ANXA7: variants seen among roughly 807,000 people sequenced by gnomAD.
The protein encoded by ANXA7 is annexin A7.
In ANXA7, 55 loss-of-function variants were observed where a neutral mutation model predicts 64.9. The ratio of observed to expected loss-of-function variants is 0.85; its 90% CI spans 0.68 to 1.06. ANXA7 has a LOEUF of 1.06. Ranked by LOEUF, ANXA7 falls within the 50% of genes least tolerant of loss-of-function variation. The pLI is 0.00. For missense variants in ANXA7, 548 were observed against 582.1 expected (o/e 0.94, Z 0.60); for synonymous variants, 200 against 192.4 (o/e 1.04, Z -0.33).
Position 73,400,833 on chromosome 10 carries a change from T to TG in ANXA7, c.23dup (p.Thr9AsnfsTer28). 6.2e-7 allele frequency: 1 copy of TG among 1,604,814 alleles called. No homozygotes were observed. The highest frequency in any genetic ancestry group is 8.5e-7 in the Non-Finnish European group (1 of 1,175,026). On this transcript the variant is annotated frameshift_variant, in exon 2 of 13. Transcript: ENST00000372921. LOFTEE classifies it high-confidence loss of function. ...ATCCAGGGAAAGGTGGGTAGCCTGTTGGGGGATAGCCTGGGTATGACATTC... is the reference window on the plus strand; with the variant it reads ...ATCCAGGGAAAGGTGGGTAGCCTGTTGGGGGGATAGCCTGGGTATGACATTC...
At chr10:73,390,695 T>TAA (rs1378864395) in intron 5 of ANXA7, among the ~76,000 whole-genome samples, 4 of 113,280 alleles carry the variant, frequency 3.5e-5, no homozygotes, top group African/African-American at 1.6e-4. Flanking sequence ...TTTTGTAAAA[T>TAA]ATATATATAT....
rs891869170 is a variant in ANXA7 at position 73,414,027 on chromosome 10, G to A, written c.-17C>T. ...CGCTCCTCACCTGACCCCAGCAGCA[G>A]CGTCACAGCCCAACCCGGTCTCCCG... On this transcript the variant is annotated 5_prime_UTR_variant, in exon 1 of 13. Transcript: ENST00000372921. 1 of 152,442 alleles carries A rather than the reference G, an allele frequency of 6.6e-6. No individual in the cohort carries two copies. Among genetic ancestry groups the A allele is most frequent in the African/African-American group, 2.4e-5 (1 of 41,452 alleles). 9.4% of individuals were successfully genotyped at this position (152,442 alleles called of 1,614,324 possible). A position where few individuals can be genotyped will look rare whatever the true frequency, so the allele number is the denominator to read the frequency against.
chr10:73,389,326 G>A (rs1190945563), intron 5 of ANXA7, among the ~76,000 whole-genome samples: 1 of 152,166 alleles, frequency 6.6e-6, no homozygotes, highest in African/African-American at 2.4e-5. Flanking sequence ...GGAGACTTAA[G>A]AGACATGACA....
intron 1 of ANXA7, among the ~76,000 whole-genome samples, chr10:73,402,313 C>T (rs1014361304): frequency 3.3e-5 from 5 of 152,088 alleles, no homozygotes; most frequent in African/African-American, 7.2e-5. Flanking sequence ...CTCAACACCC[C>T]CCCTCCCCAC....
chr10:73,376,958 AG>A (rs1404157282), intron 12 of ANXA7, among the ~76,000 whole-genome samples: 8 of 152,242 alleles, frequency 5.3e-5, no homozygotes, highest in African/African-American at 1.9e-4. Flanking sequence ...TACCTAGAGT[AG>A]TCAAACACAG....
At chr10:73,398,549 C>A (rs1299935169) in intron 2 of ANXA7, among the ~76,000 whole-genome samples, 164 bp from the exon 3 acceptor site, 3 of 151,888 alleles carry the variant, frequency 2.0e-5, no homozygotes, top group Non-Finnish European at 4.4e-5. Context: ...ATCAGTATAC[C>A]AGTTTGTAAG....
At chr10:73,401,063 G>A (rs1251203918) in intron 1 of ANXA7, among the ~76,000 whole-genome samples, 1 of 151,994 alleles carries the variant, frequency 6.6e-6, no homozygotes, top group Non-Finnish European at 1.5e-5. Flanking sequence ...ACGCCACCAT[G>A]CCCAGCTAAT....
In ANXA7 at chr10:73,400,936, C is replaced by A. The variant is rs190994232; in HGVS notation, c.-1-79G>T. The A allele has an allele frequency of 3.1e-5, 39 of 1,274,486 alleles. No individual in the cohort carries two copies. The East Asian group carries it at 1.0e-3, about 34-fold the overall frequency. 78.9% of individuals were successfully genotyped at this position (1,274,486 alleles called of 1,614,324 possible). A position where few individuals can be genotyped will look rare whatever the true frequency, so the allele number is the denominator to read the frequency against. On this transcript the variant is annotated intron_variant, in intron 1 of 12. Coordinates refer to ENST00000372921, the MANE Select transcript of ANXA7 (RefSeq NM_001156.5). ...TTTGTTTTGTTTTTTGAGACGGAGT[C>A]TCACTCTGTCACCAGGTTGGAGTGC... is the stretch of plus-strand genomic sequence containing the variant.
intron 2 of ANXA7, among the ~76,000 whole-genome samples, chr10:73,398,628 T>C (rs1434956245): frequency 1.3e-5 from 2 of 151,960 alleles, no homozygotes; most frequent in Non-Finnish European, 2.9e-5. Context: ...TCTGCTTCTC[T>C]ATTTGGGAGT....
At chr10:73,387,431 C>T (rs1482986046) in intron 7 of ANXA7, among the ~76,000 whole-genome samples, 1 of 152,168 alleles carries the variant, frequency 6.6e-6, no homozygotes, top group East Asian at 1.9e-4. Flanking sequence ...AGGAGAATTG[C>T]TTGAACTCGG....
At chr10:73,379,076 C>G (rs1049772873) in intron 11 of ANXA7, 53 bp from the exon 12 acceptor site, 1 of 1,259,578 alleles carries the variant, frequency 7.9e-7, no homozygotes, top group Non-Finnish European at 1.1e-6. Context: ...AAGAAGTGTA[C>G]CCCTCCAGCT....
chr10:73,394,388 G>A (rs2055535993), intron 5 of ANXA7, among the ~76,000 whole-genome samples: 1 of 152,126 alleles, frequency 6.6e-6, no homozygotes, highest in African/African-American at 2.4e-5. Context: ...TATAAATCAT[G>A]CTGCTATAAA....
At chr10:73,394,640 C>T (rs2055540531) in intron 5 of ANXA7, among the ~76,000 whole-genome samples, 1 of 152,250 alleles carries the variant, frequency 6.6e-6, no homozygotes, top group African/African-American at 2.4e-5. Flanking sequence ...TGGTCTCACT[C>T]ATAGGTGGGA....
At position 73,397,176 on chromosome 10, in the gene ANXA7, C is replaced by G; in HGVS notation, c.358G>C (p.Val120Leu). The G allele has an allele frequency of 6.3e-7, 1 of 1,595,800 alleles. No homozygotes were observed. Among genetic ancestry groups the G allele is most frequent in the South Asian group, 1.1e-5 (1 of 86,968 alleles). ...SQSYGGGPAQ[V>L]PLPGGFPGGQ... The stretch of plus-strand genomic sequence containing the variant: ...AGCTGGTACCTACCAGGTAGTGGAA[C>G]CTGTGCTGGACCACCTCCATAAGAC... The change falls in exon 4 of 13, where the codon GTT (valine) becomes CTT (leucine). Residue 120 changes from valine (V) to leucine (L), a missense_variant. Transcript: ENST00000372921.
At chr10:73,395,736 A>C (rs546820738) in intron 5 of ANXA7, 20 of 430,926 alleles carry the variant, frequency 4.6e-5, no homozygotes, top group South Asian at 3.6e-4. Flanking sequence ...CAGTGAGCCG[A>C]GGTCGTGCCA....
rs573391337 is a variant in ANXA7, at chr10:73,376,194, C to T, written c.1302G>A (p.Gln434=). ...RSEIDLVQIK[Q]MFAQMYQKTL... ...TCTTCTGATACATCTGAGCGAACATCTGTTTTATTTGTACAAGGTCAATCT... is the reference window on the plus strand; with the variant it reads ...TCTTCTGATACATCTGAGCGAACATTTGTTTTATTTGTACAAGGTCAATCT... The change falls in exon 13 of 13, where the codon CAG becomes CAA. Residue 434 remains glutamine, a synonymous_variant. Coordinates refer to ENST00000372921, the MANE Select transcript of ANXA7 (RefSeq NM_001156.5). 30 of 1,593,558 alleles carry T rather than the reference C, an allele frequency of 1.9e-5. No individual in the cohort carries two copies. In the East Asian group the frequency reaches 6.8e-4, roughly 36 times the overall value.
intron 1 of ANXA7, among the ~76,000 whole-genome samples, chr10:73,408,655 G>A (rs565064708): frequency 6.6e-6 from 1 of 152,248 alleles, no homozygotes; most frequent in East Asian, 1.9e-4. Flanking sequence ...TTAAGAAAGT[G>A]AATTTTGGTA....
chr10:73,391,976 G>C (rs1308287428), intron 5 of ANXA7, among the ~76,000 whole-genome samples: 1 of 152,068 alleles, frequency 6.6e-6, no homozygotes, highest in African/African-American at 2.4e-5. Flanking sequence ...AAAGGAAAAA[G>C]AGAAGAATTA....
chr10:73,378,762 AT>A, intron 12 of ANXA7, 148 bp downstream of exon 12: 1 of 626,306 alleles, frequency 1.6e-6, no homozygotes, highest in Non-Finnish European at 2.8e-6. Flanking sequence ...AGGAAAGTGA[AT>A]TTTCTGTTCT....
Sources: allele counts gnomAD v4.1 joint callset (sites outside exome capture counted in the v4.1 genomes callset), GRCh38; gene constraint gnomAD v4.1.1; transcripts MANE v1.5; gene names NCBI Gene and HGNC (gene_info 2026-07-23, HGNC 2026-07-21).